The following CACNA1E variants were observed in gnomAD, a reference collection of about 807,000 sequenced individuals.
CACNA1E encodes the protein voltage-dependent R-type calcium channel subunit alpha-1E.
In CACNA1E, 40 loss-of-function variants were observed where a neutral mutation model predicts 259.2. That is an observed-to-expected ratio of 0.15 (90% CI 0.12 to 0.20). CACNA1E has a LOEUF of 0.20. Ranked by LOEUF, CACNA1E falls within the 10% of genes least tolerant of loss-of-function variation. The pLI, the probability that CACNA1E is intolerant of heterozygous loss-of-function variation, is 1.00. For synonymous variants in CACNA1E, 1,104 were observed against 1,138.5 expected (o/e 0.97, Z 0.61); for missense variants, 1,874 against 3,040.1 (o/e 0.62, Z 9.02).
chr1:181,348,271 G>A (rs1488238414), intron 1 of CACNA1E, among the ~76,000 whole-genome samples: 1 of 152,076 alleles, frequency 6.6e-6, no homozygotes, highest in African/African-American at 2.4e-5. Context: ...GGTCAGCAGG[G>A]CTGGTCAGCA....
intron 1 of CACNA1E, among the ~76,000 whole-genome samples, chr1:181,329,156 T>C (rs1220724838): frequency 2.6e-5 from 4 of 152,176 alleles, no homozygotes; most frequent in Admixed American, 2.6e-4. Flanking sequence ...TGTATTCCTG[T>C]AGGTGATCCA....
intron 3 of CACNA1E, among the ~76,000 whole-genome samples, chr1:181,534,977 A>G (rs1223637929): frequency 6.6e-6 from 1 of 152,216 alleles, no homozygotes; most frequent in Non-Finnish European, 1.5e-5. Context: ...AAGGTGTTCT[A>G]GACAAATGCC....
intron 1 of CACNA1E, among the ~76,000 whole-genome samples, chr1:181,484,450 T>C (rs547537808): frequency 6.6e-6 from 1 of 152,322 alleles, no homozygotes; most frequent in Admixed American, 6.5e-5. Flanking sequence ...ACTGTCTTCC[T>C]GTAGGGAAGT....
chr1:181,428,831 T>C (rs910275056), intron 2 of CACNA1E, among the ~76,000 whole-genome samples: 1 of 152,124 alleles, frequency 6.6e-6, no homozygotes, highest in Non-Finnish European at 1.5e-5. Flanking sequence ...GGAAAGGATA[T>C]CATTAAATCT....
At chr1:181,455,088 T>A (rs902356964) in intron 2 of CACNA1E, among the ~76,000 whole-genome samples, 1 of 152,230 alleles carries the variant, frequency 6.6e-6, no homozygotes, top group African/African-American at 2.4e-5. Flanking sequence ...TCTGAGATTA[T>A]ATCCTTCCAA....
intron 6 of CACNA1E, among the ~76,000 whole-genome samples, chr1:181,595,271 G>T (rs12132403): frequency 0.017 from 2,560 of 152,246 alleles, 34 homozygotes; most frequent in Middle Eastern, 0.061. Context: ...TGATCAAGGC[G>T]TGTCCCCCAC....
chr1:181,438,810 C>T (rs1188902540), intron 2 of CACNA1E, among the ~76,000 whole-genome samples: 2 of 152,074 alleles, frequency 1.3e-5, no homozygotes, highest in Non-Finnish European at 2.9e-5. Flanking sequence ...TCCAGCAATC[C>T]CACTCTTGGG....
At chr1:181,702,371 A>T (rs888902728) in intron 7 of CACNA1E, among the ~76,000 whole-genome samples, 2 of 152,118 alleles carry the variant, frequency 1.3e-5, no homozygotes, top group Admixed American at 1.3e-4. Context: ...GGCCACCATC[A>T]TCTGGATACA....
At position 181,595,713 on chromosome 1, in the gene CACNA1E, C is replaced by T. The variant is rs375244630; in HGVS notation, c.951+14937C>T. On this transcript the variant is annotated intron_variant, in intron 6 of 47. Coordinates refer to ENST00000367573, the MANE Select transcript of CACNA1E (RefSeq NM_001205293.3). ...TCACCAAGATAACACTCCCCACAGGCGAGGGTATCCAGGGCTCCTGGGACT... is the reference window on the plus strand; with the variant it reads ...TCACCAAGATAACACTCCCCACAGGTGAGGGTATCCAGGGCTCCTGGGACT... Among the ~76,000 whole-genome samples the T allele has an allele frequency of 9.2e-5, 14 of 152,262 alleles. No homozygotes were observed. The East Asian group carries it at 1.7e-3, about 19-fold the overall frequency.
chr1:181,780,090 G>C (rs558472500), intron 38 of CACNA1E, among the ~76,000 whole-genome samples: 123 of 152,284 alleles, frequency 8.1e-4, no homozygotes, highest in African/African-American at 2.8e-3. Flanking sequence ...AGGACAGAAG[G>C]GGTGAGAAAC....
rs1572635937 is a variant in CACNA1E at position 181,699,191 on chromosome 1, C to CTG, written c.1056-11763_1056-11762insTG. 2.0e-5 allele frequency among the ~76,000 whole-genome samples: 3 copies of CTG among 152,210 alleles called. No individual in the cohort carries two copies. In the East Asian group the frequency reaches 5.8e-4, roughly 29 times the overall value. ...GAACGTTCTGATGCCTTTATCCATTCATGCAACAAATATTGCTTGAATTCC... is the reference window on the plus strand; with the variant it reads ...GAACGTTCTGATGCCTTTATCCATTCTGATGCAACAAATATTGCTTGAATTCC... On this transcript the variant is annotated intron_variant, in intron 7 of 47. Coordinates refer to ENST00000367573, the MANE Select transcript of CACNA1E (RefSeq NM_001205293.3).
rs923882915 is a variant in CACNA1E, at chr1:181,761,446, T to C, written c.4606-1128T>C. Among the ~76,000 whole-genome samples the C allele has an allele frequency of 5.9e-5, 9 of 152,296 alleles. No individual in the cohort carries two copies. In the South Asian group the frequency reaches 6.2e-4, roughly 11 times the overall value. ...AAGGCCTGGCCTAGTGTCTGGCTCA[T>C]GTAGGAATTCAATGATGCTAGTTGT... On this transcript the variant is annotated intron_variant, in intron 32 of 47. Coordinates refer to ENST00000367573, the MANE Select transcript of CACNA1E (RefSeq NM_001205293.3).
At chr1:181,637,759 T>C (rs169236) in intron 6 of CACNA1E, among the ~76,000 whole-genome samples, 147,162 of 152,206 alleles carry the variant, frequency 0.97, 71,338 homozygotes, top group Non-Finnish European at 1. Context: ...GAATTCAGTG[T>C]AGGGCATAAG....
At chr1:181,484,833 G>A (rs1412413076) in intron 1 of CACNA1E, among the ~76,000 whole-genome samples, 1 of 152,184 alleles carries the variant, frequency 6.6e-6, no homozygotes, top group East Asian at 1.9e-4. Flanking sequence ...TGAGGCCAGA[G>A]GTGTGCATGC....
chr1:181,363,016 G>A (rs1297968950), intron 1 of CACNA1E, among the ~76,000 whole-genome samples: 1 of 152,168 alleles, frequency 6.6e-6, no homozygotes, highest in Non-Finnish European at 1.5e-5. Flanking sequence ...CTGACATCAT[G>A]CCCCATATAG....
At chr1:181,593,448 G>A (rs1652854780) in intron 6 of CACNA1E, among the ~76,000 whole-genome samples, 1 of 152,348 alleles carries the variant, frequency 6.6e-6, no homozygotes. Context: ...TGGTGCAAAA[G>A]TGGCACTTTA....
In CACNA1E at chr1:181,577,615, G is replaced by C. The variant is rs188098047; in HGVS notation, c.513-151G>C. The C allele has an allele frequency of 1.3e-5, 7 of 519,666 alleles. No homozygotes were observed. The East Asian group carries it at 2.2e-4, about 17-fold the overall frequency. 32.2% of individuals were successfully genotyped at this position (519,666 alleles called of 1,614,324 possible). On this transcript the variant is annotated intron_variant, in intron 3 of 47. Transcript: ENST00000367573. ...AATTTAATTCCACTTGGAGCCACTG[G>C]TGATTCACCCAAGCTCAGGTGCACC...
At chr1:181,554,759 T>G (rs1356797289) in intron 3 of CACNA1E, among the ~76,000 whole-genome samples, 1 of 152,110 alleles carries the variant, frequency 6.6e-6, no homozygotes, top group Admixed American at 6.5e-5. Context: ...CACTGTAGAG[T>G]CTTCTGTTTG....
At position 181,732,457 on chromosome 1, in the gene CACNA1E, A is replaced by T; in HGVS notation, c.2371A>T (p.Met791Leu). ...CAGCCAGCTGAGGAAGCACATGCAGATGTCCAGCCAGGAGGCCCTCAACAG... is the reference window on the plus strand; with the variant it reads ...CAGCCAGCTGAGGAAGCACATGCAGTTGTCCAGCCAGGAGGCCCTCAACAG... ...RTSQLRKHMQ[M>L]SSQEALNREE... Residue 791 changes from methionine (M) to leucine (L), a missense_variant, in exon 20 of 48, where the codon ATG becomes TTG. By Grantham distance (15) the Met-to-Leu change is conservative. This residue lies in a region of CACNA1E where 476 missense variants were observed against 514.0 expected (regional missense o/e 0.93). Coordinates refer to ENST00000367573, the MANE Select transcript of CACNA1E (RefSeq NM_001205293.3). The surrounding 1 kb of genome is among the most constrained non-coding windows in gnomAD (Gnocchi z 5.5). The T allele has an allele frequency of 6.4e-7, 1 of 1,550,880 alleles. No homozygotes were observed. The highest frequency in any genetic ancestry group is 8.7e-7 in the Non-Finnish European group (1 of 1,146,624).
Sources: gnomAD v4.1 joint callset for allele counts (sites outside exome capture counted in the v4.1 genomes callset) on GRCh38, gnomAD v4.1.1 for gene constraint, gnomAD v4.1.1 regional missense constraint, Gnocchi (gnomAD v3.1) non-coding constraint, MANE v1.5 for transcripts, NCBI Gene and HGNC (gene_info 2026-07-23, HGNC 2026-07-21) for gene names.